Variants in RIF1 observed in about 807,000 individuals in gnomAD.
RIF1 encodes replication timing regulatory factor 1, also known as telomere-associated protein RIF1.
In RIF1, 45 loss-of-function variants were observed where a neutral mutation model predicts 247.1. That is an observed-to-expected ratio of 0.18 (90% CI 0.14 to 0.23). RIF1 has a LOEUF of 0.23. Ranked by LOEUF, RIF1 falls within the 10% of genes least tolerant of loss-of-function variation. The pLI is 1.00. For missense variants in RIF1, 2,967 were observed against 2,862.5 expected (o/e 1.04, Z -0.83); for synonymous variants, 1,087 against 978.8 (o/e 1.11, Z -2.06).
rs757784814 is a variant in RIF1, at chr2:151,460,064, A to T, written c.3020A>T (p.Asp1007Val). ...GMERKSNGKRDSFLAQTKNKK... is the reference protein window; with the variant it reads ...GMERKSNGKRVSFLAQTKNKK... ...GAGAGAAAATCAAATGGAAAAAGAG[A>T]TTCATTTTTGGCACAAACAAAGAAT... Residue 1007 changes from aspartate to valine, a missense_variant, in exon 26 of 36, where the codon GAT becomes GTT. Asp to Val is a radical substitution (Grantham distance 152). Transcript: ENST00000444746. 6.3e-7 allele frequency: 1 copy of T among 1,574,898 alleles called. No homozygotes were observed. Among genetic ancestry groups the T allele is most frequent in the Non-Finnish European group, 8.7e-7 (1 of 1,155,208 alleles).
chr2:151,527,014 A>T, the RIF1 span: 1 of 1,591,350 alleles, frequency 6.3e-7, no homozygotes, highest in Non-Finnish European at 8.6e-7. Context: ...GGTCCAGCTT[A>T]TATTCAAACT....
intron 8 of RIF1, among the ~76,000 whole-genome samples, chr2:151,428,205 G>T (rs776282549): frequency 2.0e-5 from 3 of 152,148 alleles, no homozygotes; most frequent in Non-Finnish European, 4.4e-5. Flanking sequence ...CTGTAGCCTG[G>T]GCGACAGAGC....
chr2:151,456,454 A>T, intron 22 of RIF1, 124 bp from the exon 23 acceptor site: 2 of 565,540 alleles, frequency 3.5e-6, no homozygotes, highest in South Asian at 4.6e-5. Flanking sequence ...GTCTTTGGGC[A>T]CCTTTTTATA....
At chr2:151,510,479 C>A (rs1027012795), downstream of RIF1, among the ~76,000 whole-genome samples, 2 of 152,222 alleles carry the variant, frequency 1.3e-5, no homozygotes, top group Admixed American at 1.3e-4. Flanking sequence ...ATTAAGTATT[C>A]AGTACAGTAG....
At position 151,437,256 on chromosome 2, in the gene RIF1, C is replaced by T. The variant is rs776895432; in HGVS notation, c.1388C>T (p.Pro463Leu). ...LVLSLEPLEHPLISSPSFFSK... is the reference protein window; with the variant it reads ...LVLSLEPLEHLLISSPSFFSK... ...TCCCTTTCAGAGCCATTGGAACATC[C>T]GTTAATCAGCAGCCCTTCCTTTTTT... Residue 463 changes from proline to leucine, a missense_variant, in exon 13 of 36, where the codon CCG becomes CTG. Physicochemically the swap from Pro to Leu is moderately conservative, Grantham distance 98. This residue lies in a region of RIF1 where 369 missense variants were observed against 322.0 expected (regional missense o/e 1.15). Transcript: ENST00000444746. 16 of 1,611,230 alleles carry T rather than the reference C, an allele frequency of 9.9e-6. No individual in the cohort carries two copies. In the East Asian group the frequency reaches 2.0e-4, roughly 20 times the overall value.
intron 1 of RIF1, 92 bp from the exon 2 acceptor site, chr2:151,410,322 C>A (rs1490858723): frequency 3.2e-6 from 3 of 947,528 alleles, no homozygotes; most frequent in East Asian, 2.6e-5. Flanking sequence ...CCCGGGCGGG[C>A]GTGCGGGTGT....
In RIF1 at chr2:151,463,794, T is replaced by G; in HGVS notation, c.4274T>G (p.Val1425Gly). 6.2e-7 allele frequency: 1 copy of G among 1,613,508 alleles called. No individual in the cohort carries two copies. The highest frequency in any genetic ancestry group is 2.2e-5 in the East Asian group (1 of 44,862). Residue 1425 changes from valine (V) to glycine (G), a missense_variant, in exon 30 of 36, where the codon GTA becomes GGA. Val to Gly is a moderately radical substitution (Grantham distance 109). Around this residue, in one of 7 missense-constraint regions of RIF1, gnomAD observed 2,028 missense variants for 1,825.6 expected, o/e 1.11. Coordinates refer to ENST00000444746, the MANE Select transcript of RIF1 (RefSeq NM_018151.5). ...TCTTCAAGGCGACGTTCAGAAGTAG[T>G]AGAGTCTACCACTGAAAGCCAAGAT... Reference protein sequence around the residue: ...RRSSRRRSEVVESTTESQDKE... With the variant: ...RRSSRRRSEVGESTTESQDKE...
At position 151,465,835 on chromosome 2, in the gene RIF1, G is replaced by A. The variant is rs1242672733; in HGVS notation, c.6315G>A (p.Met2105Ile). Residue 2105 changes from methionine (M) to isoleucine (I), a missense_variant, in exon 30 of 36, where the codon ATG becomes ATA. By Grantham distance (10) the Met-to-Ile change is conservative. Transcript: ENST00000444746. ...AATTAGATAACAATCAAATGGTAAT[G>A]GAAAGTGATATTTTACAGGAAGATC... ...EEKLDNNQMV[M>I]ESDILQEDHH... 7 of 1,613,124 alleles carry A rather than the reference G, an allele frequency of 4.3e-6. No individual in the cohort carries two copies. The highest frequency in any genetic ancestry group is 1.6e-4 in the Middle Eastern group (1 of 6,084).
chr2:151,420,487 C>A, intron 7 of RIF1, 108 bp downstream of exon 7: 1 of 1,038,666 alleles, frequency 9.6e-7, no homozygotes, highest in Non-Finnish European at 1.4e-6. Context: ...ACCTGTAGTC[C>A]CAAAGCGGGA....
chr2:151,456,969 A>G (rs1233870346), intron 23 of RIF1, among the ~76,000 whole-genome samples: 2 of 152,152 alleles, frequency 1.3e-5, no homozygotes, highest in Non-Finnish European at 2.9e-5. Flanking sequence ...CCTGACCTCA[A>G]GTGATTCGCC....
chr2:151,465,475 T>C lies in RIF1; in HGVS notation c.5955T>C (p.Asn1985=). ...ATAATACTACACCTGTAAAATTGAA[T>C]GCTCAAACTGAGATTTCTGAACAAA... ...LSDNTTPVKL[N]AQTEISEQTA... Residue 1985 remains asparagine (N), a synonymous_variant, in exon 30 of 36, where the codon AAT becomes AAC. Coordinates refer to ENST00000444746, the MANE Select transcript of RIF1 (RefSeq NM_018151.5). 6.2e-7 allele frequency: 1 copy of C among 1,614,096 alleles called. No individual in the cohort carries two copies. Among genetic ancestry groups the C allele is most frequent in the Non-Finnish European group, 8.5e-7 (1 of 1,179,996 alleles).
At chr2:151,490,957 A>G (rs1403944397) in intron 9 of RIF1, among the ~76,000 whole-genome samples, 1 of 152,212 alleles carries the variant, frequency 6.6e-6, no homozygotes, top group Non-Finnish European at 1.5e-5. Flanking sequence ...ACATGTCAGA[A>G]TGCAACCATG....
intron 34 of RIF1, among the ~76,000 whole-genome samples, chr2:151,470,783 C>G (rs184631535): frequency 6.6e-6 from 1 of 152,136 alleles, no homozygotes; most frequent in Non-Finnish European, 1.5e-5. Context: ...CATTCATTAA[C>G]TGGTTACTCA....
chr2:151,445,795 T>A (rs1693161007), intron 19 of RIF1, among the ~76,000 whole-genome samples: 2 of 152,214 alleles, frequency 1.3e-5, no homozygotes, highest in South Asian at 4.1e-4. Flanking sequence ...TGCCTTGGCC[T>A]CCCAAAGTGC....
At chr2:151,435,020 A>G (rs1406740865) in intron 10 of RIF1, among the ~76,000 whole-genome samples, 5 of 152,200 alleles carry the variant, frequency 3.3e-5, no homozygotes, top group Non-Finnish European at 7.3e-5. Flanking sequence ...ATTGTCAACA[A>G]TGTAATTTGC....
chr2:151,489,201 C>A (rs1178482951), intron 9 of RIF1, among the ~76,000 whole-genome samples: 1 of 152,106 alleles, frequency 6.6e-6, no homozygotes, highest in Admixed American at 6.5e-5. Context: ...AGACAGTTGT[C>A]TTCATACAAA....
chr2:151,485,011 A>G (rs1385762574), downstream of RIF1, among the ~76,000 whole-genome samples: 1 of 152,204 alleles, frequency 6.6e-6, no homozygotes, highest in Non-Finnish European at 1.5e-5. Context: ...CCTTCTAGGA[A>G]GAACAGTCTG....
chr2:151,436,927 T>C lies in RIF1; in HGVS notation c.1296T>C (p.Leu432=). The change falls in exon 12 of 36, where the codon CTT becomes CTC. Residue 432 remains leucine (L), a synonymous_variant. Coordinates refer to ENST00000444746, the MANE Select transcript of RIF1 (RefSeq NM_018151.5). ...ATIPSIQLLG[L]EMLLHFLLGP... ...TCCCATCCATTCAACTTTTGGGACT[T>C]GAAATGTTGCTTCATTTCTTGTTGG... The C allele has an allele frequency of 6.2e-7, 1 of 1,614,122 alleles. No individual in the cohort carries two copies. Among genetic ancestry groups the C allele is most frequent in the South Asian group, 1.1e-5 (1 of 91,072 alleles).
intron 10 of RIF1, among the ~76,000 whole-genome samples, chr2:151,433,928 T>A (rs931322382): frequency 2.6e-5 from 4 of 151,822 alleles, no homozygotes; most frequent in African/African-American, 9.7e-5. Context: ...TCCTAGCACT[T>A]TGGGAGGCAG....
Sources: gnomAD v4.1 joint callset for allele counts (sites outside exome capture counted in the v4.1 genomes callset) on GRCh38, gnomAD v4.1.1 for gene constraint, gnomAD v4.1.1 regional missense constraint, MANE v1.5 for transcripts, NCBI Gene and HGNC (gene_info 2026-07-23, HGNC 2026-07-21) for gene names.